The following PPP4R4 variants were observed in gnomAD, a reference collection of about 807,000 sequenced individuals.
PPP4R4 encodes protein phosphatase 4 regulatory subunit 4, also known as serine/threonine-protein phosphatase 4 regulatory subunit 4.
PPP4R4 carries 70 observed loss-of-function variants against 121.8 expected under a neutral mutation model. The ratio of observed to expected loss-of-function variants is 0.57; its 90% CI spans 0.47 to 0.70. The LOEUF (loss-of-function observed/expected upper bound fraction) is 0.70. Ranked by LOEUF, PPP4R4 falls within the 30% of genes least tolerant of loss-of-function variation. The pLI, the probability that PPP4R4 is intolerant of heterozygous loss-of-function variation, is 0.00. For missense variants in PPP4R4, 875 were observed against 1,033.6 expected (o/e 0.85, Z 2.10); for synonymous variants, 348 against 355.7 (o/e 0.98, Z 0.24).
chr14:94,215,411 G>A (rs1366349291), intron 3 of PPP4R4, among the ~76,000 whole-genome samples: 2 of 152,262 alleles, frequency 1.3e-5, no homozygotes, highest in East Asian at 3.9e-4. Flanking sequence ...AGAAAACAGG[G>A]ATCTGTCTTC....
At chr14:94,194,332 A>G (rs1889751678) in intron 2 of PPP4R4, among the ~76,000 whole-genome samples, 2 of 152,174 alleles carry the variant, frequency 1.3e-5, no homozygotes, top group Non-Finnish European at 1.5e-5. Context: ...TAAGTATCCT[A>G]GAAAAGGAGC....
intron 19 of PPP4R4, 96 bp from the exon 20 acceptor site, chr14:94,264,782 G>A: frequency 1.1e-6 from 1 of 925,954 alleles, no homozygotes; most frequent in South Asian, 1.5e-5. Flanking sequence ...GCATTTTTAT[G>A]AACTTTACTT....
chr14:94,204,253 G>T (rs1301603030), intron 2 of PPP4R4, among the ~76,000 whole-genome samples: 1 of 151,900 alleles, frequency 6.6e-6, no homozygotes, highest in East Asian at 1.9e-4. Context: ...TTAGTGTGAG[G>T]CATAGGTCAT....
At chr14:94,206,099 TTTTTC>T (rs1890446090) in intron 2 of PPP4R4, among the ~76,000 whole-genome samples, 1 of 151,980 alleles carries the variant, frequency 6.6e-6, no homozygotes, top group Non-Finnish European at 1.5e-5. Context: ...TTTTTGTCTG[TTTTTC>T]TTTTCAGTCT....
At chr14:94,274,523 A>T (rs905291227) in intron 23 of PPP4R4, among the ~76,000 whole-genome samples, 15 of 152,320 alleles carry the variant, frequency 9.8e-5, no homozygotes, top group African/African-American at 3.6e-4. Flanking sequence ...AAGATGCTTA[A>T]CGTCCTAATC....
At chr14:94,183,594 C>A (rs1889106497) in intron 2 of PPP4R4, among the ~76,000 whole-genome samples, 1 of 152,174 alleles carries the variant, frequency 6.6e-6, no homozygotes, top group Admixed American at 6.5e-5. Context: ...TTCCTACTTA[C>A]CAAACACTCA....
intron 2 of PPP4R4, among the ~76,000 whole-genome samples, chr14:94,190,222 T>C (rs1214712805): frequency 6.6e-6 from 1 of 152,102 alleles, no homozygotes; most frequent in African/African-American, 2.4e-5. Context: ...TACTATTCTG[T>C]TTTCTGAGTT....
At chr14:94,277,458 G>A (rs1894707097) in intron 24 of PPP4R4, among the ~76,000 whole-genome samples, 1 of 152,174 alleles carries the variant, frequency 6.6e-6, no homozygotes, top group South Asian at 2.1e-4. Flanking sequence ...GCTGTCTCAT[G>A]GTTCCTCCTC....
intron 16 of PPP4R4, 25 bp downstream of exon 16, chr14:94,251,921 T>C: frequency 6.5e-7 from 1 of 1,542,252 alleles, no homozygotes; most frequent in Non-Finnish European, 8.8e-7. Context: ...AAGGAAAATA[T>C]TGGAAATTGT....
intron 19 of PPP4R4, among the ~76,000 whole-genome samples, chr14:94,264,563 T>C (rs1326799723): frequency 6.6e-6 from 1 of 152,200 alleles, no homozygotes; most frequent in Non-Finnish European, 1.5e-5. Flanking sequence ...AATCTGAAAT[T>C]GAAACGACCA....
chr14:94,246,450 C>A lies in PPP4R4; in HGVS notation c.1522C>A (p.Gln508Lys), dbSNP rs1458989679. 6.2e-7 allele frequency: 1 copy of A among 1,614,064 alleles called. No individual in the cohort carries two copies. Among genetic ancestry groups the A allele is most frequent in the South Asian group, 1.1e-5 (1 of 91,084 alleles). ...ATGGAGAACTCATGAGAAGCTACTT[C>A]AGAAATATGCCTGCCTGCCACATGT... ...LKWRTHEKLL[Q>K]KYACLPHVIS... Residue 508 changes from glutamine (Q) to lysine (K), a missense_variant, in exon 14 of 25, where the codon CAG becomes AAG. Physicochemically the swap from Gln to Lys is moderately conservative, Grantham distance 53. Coordinates refer to ENST00000304338, the MANE Select transcript of PPP4R4 (RefSeq NM_058237.2).
At chr14:94,234,529 T>A in intron 6 of PPP4R4, 33 bp from the exon 7 acceptor site, 3 of 1,280,320 alleles carry the variant, frequency 2.3e-6, no homozygotes, top group Middle Eastern at 3.7e-4. Flanking sequence ...AAACACTCAT[T>A]CATTTGCATG....
chr14:94,218,998 CAG>C (rs1181809808), intron 3 of PPP4R4, among the ~76,000 whole-genome samples: 1 of 149,560 alleles, frequency 6.7e-6, no homozygotes, highest in African/African-American at 2.5e-5. Flanking sequence ...TTTAGATAAA[CAG>C]AAATTGAGAG....
rs533381826 is a variant in PPP4R4, at chr14:94,187,056, T to C, written c.191+10929T>C. Among the ~76,000 whole-genome samples the C allele has an allele frequency of 3.3e-5, 5 of 152,312 alleles. No homozygotes were observed. The East Asian group carries it at 9.6e-4, about 29-fold the overall frequency. On this transcript the variant is annotated intron_variant, in intron 2 of 24. Transcript: ENST00000304338. Reference sequence around the variant, plus strand: ...TAGGCCGAGCGTGGTGGCTCACACCTGCAATCCCAGCACTTTGGGAGTCCG... The same window carrying C: ...TAGGCCGAGCGTGGTGGCTCACACCCGCAATCCCAGCACTTTGGGAGTCCG...
intron 3 of PPP4R4, among the ~76,000 whole-genome samples, chr14:94,210,105 T>G (rs921011729): frequency 1.3e-5 from 2 of 151,522 alleles, no homozygotes; most frequent in Non-Finnish European, 3.0e-5. Flanking sequence ...TTTATACAAA[T>G]TTTCATTACT....
intron 2 of PPP4R4, among the ~76,000 whole-genome samples, chr14:94,203,491 G>A (rs1286527951): frequency 6.6e-6 from 1 of 151,180 alleles, no homozygotes; most frequent in Non-Finnish European, 1.5e-5. Context: ...TTTTGTTGTT[G>A]TTTTGTTCAA....
chr14:94,264,930 A>T lies in PPP4R4; in HGVS notation c.2180A>T (p.Lys727Ile). Residue 727 changes from lysine to isoleucine, a missense_variant, in exon 20 of 25, where the codon AAA (lysine) becomes ATA (isoleucine). Coordinates refer to ENST00000304338, the MANE Select transcript of PPP4R4 (RefSeq NM_058237.2). The stretch of plus-strand genomic sequence containing the variant: ...AATGATGGAAGGCCCATGAGTGATA[A>T]AATGTTTGAAAAGAAACGTAAGTAG... The part of the protein sequence containing the change: ...QQNDGRPMSD[K>I]MFEKKRRDTK... 1 of 1,597,482 alleles carries T rather than the reference A, an allele frequency of 6.3e-7. No homozygotes were observed. Among genetic ancestry groups the T allele is most frequent in the Admixed American group, 1.8e-5 (1 of 55,130 alleles).
chr14:94,221,155 T>A (rs1049872702), intron 3 of PPP4R4, among the ~76,000 whole-genome samples: 1 of 152,132 alleles, frequency 6.6e-6, no homozygotes, highest in Non-Finnish European at 1.5e-5. Context: ...GATAGACTTT[T>A]CAACAAATGA....
chr14:94,255,989 A>C (rs188374990), intron 16 of PPP4R4, among the ~76,000 whole-genome samples: 78 of 152,278 alleles, frequency 5.1e-4, no homozygotes, highest in Admixed American at 3.3e-4. Flanking sequence ...CAAGCTCTCT[A>C]TATTTGCTGT....
Sources: allele counts gnomAD v4.1 joint callset (sites outside exome capture counted in the v4.1 genomes callset), GRCh38; gene constraint gnomAD v4.1.1; transcripts MANE v1.5; gene names NCBI Gene and HGNC (gene_info 2026-07-23, HGNC 2026-07-21).